DSCAML1: variants seen among roughly 807,000 people sequenced by gnomAD.
DSCAML1 encodes the protein DS cell adhesion molecule like 1.
DSCAML1 carries 38 observed loss-of-function variants against 200.5 expected under a neutral mutation model. That is an observed-to-expected ratio of 0.19 (90% confidence interval 0.15 to 0.25). DSCAML1 has a LOEUF of 0.25. DSCAML1 is among the 10% of genes least tolerant of loss of function. The probability of loss-of-function intolerance (pLI) is 1.00; values close to 1 mark genes in which losing one functional copy is unlikely to be tolerated. For synonymous variants in DSCAML1, 1,215 were observed against 1,165.0 expected, an observed-to-expected ratio of 1.04 and a Z score of -0.87; for missense variants, 2,223 against 2,858.8, an observed-to-expected ratio of 0.78 and a Z score of 5.07.
chr11:117,679,767 G>A (rs1203301742), intron 3 of DSCAML1, among the ~76,000 whole-genome samples: 1 of 152,196 alleles, frequency 6.6e-6, no homozygotes, highest in Non-Finnish European at 1.5e-5. Flanking sequence ...CCAGCAGGCC[G>A]ATTTGTTTCA....
chr11:117,652,278 T>C (rs1342532569), intron 3 of DSCAML1, among the ~76,000 whole-genome samples: 1 of 152,204 alleles, frequency 6.6e-6, no homozygotes, highest in Non-Finnish European at 1.5e-5. Flanking sequence ...GCTCTTAGTC[T>C]CCATGACGAG....
chr11:117,737,408 G>A (rs941616200), intron 3 of DSCAML1, among the ~76,000 whole-genome samples: 9 of 152,176 alleles, frequency 5.9e-5, no homozygotes, highest in South Asian at 2.1e-4. Flanking sequence ...CAGTGCATGG[G>A]GGAATGCCAG....
At chr11:117,515,333 C>T (rs1664534997) in intron 8 of DSCAML1, among the ~76,000 whole-genome samples, 1 of 152,256 alleles carries the variant, frequency 6.6e-6, no homozygotes, top group East Asian at 1.9e-4. Flanking sequence ...GTATCCACCT[C>T]CCCAGCCTGG....
intron 21 of DSCAML1, among the ~76,000 whole-genome samples, chr11:117,440,855 A>T (rs979026966): frequency 1.6e-4 from 20 of 126,164 alleles, no homozygotes; most frequent in African/African-American, 5.8e-4. Flanking sequence ...TGGGAGGTGG[A>T]GGTTGCAGTG....
Position 117,780,278 on chromosome 11 carries a change from AAG to A in DSCAML1, c.364+213_364+214del, listed in dbSNP as rs1277173819. ...AAAGAAAGAAAGAAAGAAAGAAAGA[AAG>A]AAAGAAAGAAAGAAAGAAAGAAAGA... On this transcript the variant is annotated intron_variant, in intron 2 of 32. Transcript: ENST00000651296. The surrounding 1 kb of genome is among the most constrained non-coding windows in gnomAD (Gnocchi z 4.8). 3.1e-5 allele frequency among the ~76,000 whole-genome samples: 3 copies of A among 96,830 alleles called. No individual in the cohort carries two copies. Among genetic ancestry groups the A allele is most frequent in the Admixed American group, 1.0e-4 (1 of 10,016 alleles). The allele number at this position is 96,830 out of a possible 152,430, so 63.5% of individuals were successfully genotyped here.
chr11:117,445,793 T>C (rs1028966089), intron 20 of DSCAML1, among the ~76,000 whole-genome samples: 1 of 152,208 alleles, frequency 6.6e-6, no homozygotes, highest in Non-Finnish European at 1.5e-5. Flanking sequence ...GTTTGGCCTC[T>C]TCTTGTAGGT....
chr11:117,675,470 ATTTTTTT>A (rs533948278), intron 3 of DSCAML1, among the ~76,000 whole-genome samples: 1,263 of 96,942 alleles, frequency 0.013, 28 homozygotes, highest in African/African-American at 0.057. Flanking sequence ...GCTGATTGAA[ATTTTTTT>A]TTTTTTTTTT....
intron 11 of DSCAML1, among the ~76,000 whole-genome samples, chr11:117,486,310 G>GGCGGATGTGAAAATGGCA: frequency 8.1e-6 from 1 of 124,012 alleles, no homozygotes; most frequent in African/African-American, 2.8e-5. Context: ...TGAAAGTAGT[G>GGCGGATGTGAAAATGGCA]GATGTGAAAG....
At chr11:117,640,888 G>T (rs2052392591) in intron 3 of DSCAML1, among the ~76,000 whole-genome samples, 1 of 152,166 alleles carries the variant, frequency 6.6e-6, no homozygotes, top group Admixed American at 6.5e-5. Context: ...TTTGTTCCCT[G>T]CTGTGTGTGT....
At chr11:117,587,256 C>CCT (rs76189938) in intron 3 of DSCAML1, among the ~76,000 whole-genome samples, 12,496 of 148,822 alleles carry the variant, frequency 0.084, 617 homozygotes, top group Middle Eastern at 0.15. Context: ...CTTTCCAACC[C>CCT]CCCCCCACGA....
chr11:117,481,351 A>C, intron 12 of DSCAML1, 81 bp from the exon 13 acceptor site: 1 of 1,385,752 alleles, frequency 7.2e-7, no homozygotes, highest in East Asian at 2.3e-5. Context: ...GGGTCACTCC[A>C]GGGCTCTCAG....
chr11:117,703,784 G>A (rs57145837), intron 3 of DSCAML1, among the ~76,000 whole-genome samples: 8,884 of 152,216 alleles, frequency 0.058, 375 homozygotes, highest in East Asian at 0.12. Flanking sequence ...TCTAGAGCCT[G>A]GACCAGAACC....
chr11:117,641,181 G>A (rs983809035), intron 3 of DSCAML1, among the ~76,000 whole-genome samples: 1 of 152,194 alleles, frequency 6.6e-6, no homozygotes. Flanking sequence ...CAGATGCCAG[G>A]ACTGGGGACT....
At chr11:117,491,727 T>C (rs555208132) in intron 11 of DSCAML1, among the ~76,000 whole-genome samples, 1 of 152,136 alleles carries the variant, frequency 6.6e-6, no homozygotes, top group African/African-American at 2.4e-5. Flanking sequence ...TGAGCTGAGG[T>C]TGCACCACTG....
At chr11:117,814,010 C>T (rs942998575) in intron 1 of DSCAML1, among the ~76,000 whole-genome samples, 4 of 152,176 alleles carry the variant, frequency 2.6e-5, no homozygotes, top group African/African-American at 7.2e-5. Context: ...GGCCCTGCCC[C>T]GCCTTAACTG....
intron 3 of DSCAML1, among the ~76,000 whole-genome samples, chr11:117,580,558 C>T (rs1056164375): frequency 7.5e-6 from 1 of 133,652 alleles, no homozygotes; most frequent in Non-Finnish European, 1.6e-5. Flanking sequence ...TGATGCCTTG[C>T]ACCCAGTAAT....
intron 17 of DSCAML1, among the ~76,000 whole-genome samples, chr11:117,464,157 G>A (rs769791822): frequency 1.3e-5 from 2 of 148,218 alleles, no homozygotes; most frequent in African/African-American, 4.9e-5. Flanking sequence ...GCTCTGACTC[G>A]GGGGGCTTTG....
intron 3 of DSCAML1, among the ~76,000 whole-genome samples, chr11:117,553,705 C>T (rs899894816): frequency 5.3e-5 from 8 of 152,208 alleles, no homozygotes; most frequent in Non-Finnish European, 8.8e-5. Flanking sequence ...TAAAATGGCA[C>T]AGCAGCTAGC....
intron 3 of DSCAML1, among the ~76,000 whole-genome samples, chr11:117,718,358 A>G (rs555546866): frequency 2.0e-5 from 3 of 152,192 alleles, no homozygotes; most frequent in Admixed American, 2.0e-4. Context: ...TAAGCCCCCA[A>G]GTTGGGGGTG....
Sources: allele counts gnomAD v4.1 joint callset (sites outside exome capture counted in the v4.1 genomes callset), GRCh38; gene constraint gnomAD v4.1.1; non-coding constraint Gnocchi (gnomAD v3.1); transcripts MANE v1.5; gene names NCBI Gene and HGNC (gene_info 2026-07-23, HGNC 2026-07-21).